Variants in ANKRD30B observed in about 807,000 individuals in gnomAD.
ANKRD30B encodes ankyrin repeat domain 30B, also known as ankyrin repeat domain-containing protein 30B.
In ANKRD30B, 144 loss-of-function variants were observed where a neutral mutation model predicts 202.2. The observed-to-expected ratio is 0.71, with a 90% CI of 0.62 to 0.82. ANKRD30B has a LOEUF of 0.82. Ranked by LOEUF, ANKRD30B falls within the 40% of genes least tolerant of loss-of-function variation. The pLI is 0.00. For missense variants in ANKRD30B, 1,487 were observed against 1,669.1 expected (o/e 0.89, Z 1.90); for synonymous variants, 508 against 561.3 (o/e 0.91, Z 1.34).
chr18:14,859,106 C>T (rs1379565893), downstream of ANKRD30B, among the ~76,000 whole-genome samples: 4 of 136,666 alleles, frequency 2.9e-5, no homozygotes, highest in African/African-American at 8.4e-5. Flanking sequence ...ATGGGGTGGC[C>T]GGGCAGAGGC....
chr18:14,923,696 A>G, the ANKRD30B span, among the ~76,000 whole-genome samples: 1 of 152,230 alleles, frequency 6.6e-6, no homozygotes, highest in Non-Finnish European at 1.5e-5. Context: ...GCTGTGGGTA[A>G]GACCCAGTGA....
At chr18:14,804,579 A>G (rs1437926658) in intron 24 of ANKRD30B, among the ~76,000 whole-genome samples, 2 of 150,800 alleles carry the variant, frequency 1.3e-5, no homozygotes, top group East Asian at 1.9e-4. Flanking sequence ...TGCTCTGAGT[A>G]GCAAGATGAG....
chr18:14,855,357 C>T (rs1350713755), downstream of ANKRD30B, among the ~76,000 whole-genome samples: 2 of 152,254 alleles, frequency 1.3e-5, no homozygotes, highest in Non-Finnish European at 2.9e-5. Flanking sequence ...CCCCACATTT[C>T]CCTCTTTTCT....
the ANKRD30B span, among the ~76,000 whole-genome samples, chr18:14,922,128 A>C: frequency 5.7e-4 from 87 of 152,040 alleles, no homozygotes; most frequent in Non-Finnish European, 1.0e-3. Flanking sequence ...GCAGGAGGAG[A>C]ATTTGTTTGT....
At chr18:14,781,836 A>G (rs1262964675) in intron 11 of ANKRD30B, among the ~76,000 whole-genome samples, 1 of 152,212 alleles carries the variant, frequency 6.6e-6, no homozygotes, top group Non-Finnish European at 1.5e-5. Context: ...TAAGATAATA[A>G]TTAACAAAAG....
At chr18:14,921,537 G>A in the ANKRD30B span, among the ~76,000 whole-genome samples, 1 of 150,860 alleles carries the variant, frequency 6.6e-6, no homozygotes, top group Non-Finnish European at 1.5e-5. Context: ...GATCCTCAGT[G>A]AGGGTAGAAT....
intron 5 of ANKRD30B, among the ~76,000 whole-genome samples, chr18:14,759,564 A>C (rs2143696664): frequency 6.6e-6 from 1 of 152,318 alleles, no homozygotes; most frequent in Middle Eastern, 3.4e-3. Flanking sequence ...CAGCAGCTGG[A>C]AATGAACATC....
chr18:14,794,166 G>A (rs1457617247), intron 16 of ANKRD30B, among the ~76,000 whole-genome samples: 2 of 152,226 alleles, frequency 1.3e-5, no homozygotes, highest in East Asian at 3.9e-4. Flanking sequence ...AAACTCCAGT[G>A]TACCCCTTTA....
the ANKRD30B span, among the ~76,000 whole-genome samples, chr18:14,889,305 A>G: frequency 6.6e-6 from 1 of 152,108 alleles, no homozygotes; most frequent in Non-Finnish European, 1.5e-5. Context: ...GACTTGTTTC[A>G]TAACTTTTCT....
the ANKRD30B span, among the ~76,000 whole-genome samples, chr18:14,904,687 C>G: frequency 1.3e-5 from 2 of 152,182 alleles, no homozygotes; most frequent in African/African-American, 4.8e-5. Flanking sequence ...GAGATTTATT[C>G]TTAACCAATA....
chr18:14,752,721 T>C lies in ANKRD30B; in HGVS notation c.336+41T>C, dbSNP rs939352410. 3.9e-6 allele frequency: 6 copies of C among 1,556,982 alleles called. No homozygotes were observed. The African/African-American group carries it at 6.8e-5, about 18-fold the overall frequency. ...TTTTTTCAGCGGGAGATGGATTTGGTTTAAATACATAGAATAAAAATGAAT... is the reference window on the plus strand; with the variant it reads ...TTTTTTCAGCGGGAGATGGATTTGGCTTAAATACATAGAATAAAAATGAAT... On this transcript the variant is annotated intron_variant, in intron 2 of 43. Transcript: ENST00000690538.
the ANKRD30B span, among the ~76,000 whole-genome samples, chr18:14,866,359 C>T: frequency 8.6e-5 from 13 of 151,976 alleles, no homozygotes; most frequent in Non-Finnish European, 1.3e-4. Flanking sequence ...AGGAGGGTGG[C>T]CTGAGTGGTA....
intron 4 of ANKRD30B, among the ~76,000 whole-genome samples, chr18:14,756,827 G>A (rs1187960060): frequency 1.3e-5 from 2 of 152,160 alleles, no homozygotes; most frequent in Admixed American, 6.5e-5. Flanking sequence ...AGAAGGCAGA[G>A]GTTGCAGTGA....
At chr18:14,899,730 A>T in the ANKRD30B span, among the ~76,000 whole-genome samples, 1 of 152,176 alleles carries the variant, frequency 6.6e-6, no homozygotes, top group Non-Finnish European at 1.5e-5. Context: ...CTAAAAGTTA[A>T]CTGTAAATTG....
chr18:14,896,288 C>T, the ANKRD30B span, among the ~76,000 whole-genome samples: 1 of 152,128 alleles, frequency 6.6e-6, no homozygotes, highest in East Asian at 1.9e-4. Context: ...CCCGCCACCA[C>T]GCCCAGCTAC....
At chr18:14,840,066 C>T (rs1430717353) in intron 36 of ANKRD30B, among the ~76,000 whole-genome samples, 2 of 152,072 alleles carry the variant, frequency 1.3e-5, no homozygotes, top group Non-Finnish European at 2.9e-5. Flanking sequence ...TCAATAGCCA[C>T]ATGAAAATAA....
chr18:14,860,789 C>G, the ANKRD30B span, among the ~76,000 whole-genome samples: 5 of 152,140 alleles, frequency 3.3e-5, no homozygotes, highest in Non-Finnish European at 7.4e-5. Context: ...ACTGCAACCT[C>G]TGCTTCCTGG....
the ANKRD30B span, among the ~76,000 whole-genome samples, chr18:14,889,170 T>A: frequency 1.8e-4 from 28 of 151,680 alleles, 1 homozygote; most frequent in Non-Finnish European, 1.3e-4. Context: ...TGTCAACTAT[T>A]CTTTAAAATT....
At chr18:14,782,659 G>T (rs749415351) in intron 12 of ANKRD30B, 45 bp downstream of exon 12, 6 of 1,297,300 alleles carry the variant, frequency 4.6e-6, no homozygotes, top group Admixed American at 2.5e-5. Context: ...CCATATGTTT[G>T]TCTAAACGCA....
Sources: allele counts gnomAD v4.1 joint callset (sites outside exome capture counted in the v4.1 genomes callset), GRCh38; gene constraint gnomAD v4.1.1; transcripts MANE v1.5; gene names NCBI Gene and HGNC (gene_info 2026-07-23, HGNC 2026-07-21).